Variants in FAM117A observed in about 807,000 individuals in gnomAD.
FAM117A encodes the protein family with sequence similarity 117 member A, also known as protein FAM117A.
FAM117A carries 21 observed loss-of-function variants against 44.1 expected under a neutral mutation model. The observed-to-expected ratio is 0.48, with a 90% CI of 0.34 to 0.69. The LOEUF (loss-of-function observed/expected upper bound fraction) is 0.69. Among genes scored for constraint, FAM117A ranks in the 30% least tolerant of loss-of-function variants. The pLI, the probability that FAM117A is intolerant of heterozygous loss-of-function variation, is 0.01. For missense variants in FAM117A, 498 were observed against 589.9 expected (o/e 0.84, Z 1.61); for synonymous variants, 220 against 238.3 (o/e 0.92, Z 0.71).
chr17:49,722,218 C>T (rs995134399), intron 3 of FAM117A, among the ~76,000 whole-genome samples: 2 of 152,236 alleles, frequency 1.3e-5, no homozygotes, highest in African/African-American at 4.8e-5. Context: ...TATCTGGATC[C>T]AATCCCAAAG....
intron 1 of FAM117A, among the ~76,000 whole-genome samples, chr17:49,778,795 G>A (rs1275394010): frequency 5.9e-5 from 9 of 152,140 alleles, no homozygotes; most frequent in Non-Finnish European, 1.2e-4. Context: ...TTACAGTCTG[G>A]GGTGTGTGTT....
At chr17:49,739,321 G>A (rs1249096863) in intron 1 of FAM117A, among the ~76,000 whole-genome samples, 1 of 152,160 alleles carries the variant, frequency 6.6e-6, no homozygotes, top group Non-Finnish European at 1.5e-5. Context: ...CTGGGCCCCT[G>A]GGAAGATGCC....
At chr17:49,759,537 G>C (rs143636084) in intron 1 of FAM117A, among the ~76,000 whole-genome samples, 70 of 152,252 alleles carry the variant, frequency 4.6e-4, no homozygotes, top group African/African-American at 1.5e-3. Flanking sequence ...TGCACCCCCA[G>C]GCCTCATTAT....
At chr17:49,780,571 T>C (rs555881045) in intron 1 of FAM117A, among the ~76,000 whole-genome samples, 4 of 152,270 alleles carry the variant, frequency 2.6e-5, no homozygotes, top group East Asian at 1.9e-4. Context: ...GGTTTTCCCA[T>C]GTTGGGCAGG....
intron 1 of FAM117A, among the ~76,000 whole-genome samples, chr17:49,754,153 T>G (rs1286785047): frequency 7.0e-6 from 1 of 143,302 alleles, no homozygotes; most frequent in Non-Finnish European, 1.5e-5. Flanking sequence ...ATGTCATATC[T>G]GATGGGCAGG....
intron 2 of FAM117A, among the ~76,000 whole-genome samples, chr17:49,727,506 G>A (rs187720153): frequency 6.6e-6 from 1 of 152,326 alleles, no homozygotes; most frequent in East Asian, 1.9e-4. Context: ...GGGACAAGTA[G>A]GGTAGCTTCT....
intron 2 of FAM117A, among the ~76,000 whole-genome samples, chr17:49,726,299 G>A (rs960190391): frequency 6.6e-6 from 1 of 152,010 alleles, no homozygotes; most frequent in East Asian, 1.9e-4. Context: ...TGAAACCTCC[G>A]CCTCACGGGT....
chr17:49,719,167 C>T (rs564304489), intron 5 of FAM117A, among the ~76,000 whole-genome samples: 3 of 145,378 alleles, frequency 2.1e-5, no homozygotes, highest in African/African-American at 7.7e-5. Flanking sequence ...GAGGCTGAGG[C>T]AGAGAACTGC....
rs556556923 is a variant in FAM117A, at chr17:49,774,647, C to T, written c.-621+13850G>A. On this transcript the variant is annotated intron_variant, in intron 1 of 7. Coordinates refer to the FAM117A transcript ENST00000513602. The stretch of plus-strand genomic sequence containing the variant: ...TGCTGGGATTACAGGCGTGAGCCAC[C>T]GTGCTCTGTCAACTCTGGTATTCCT... Among the ~76,000 whole-genome samples, 138 of 152,196 alleles carry T rather than the reference C, an allele frequency of 9.1e-4. 1 individual carries two copies. In the Middle Eastern group the frequency reaches 0.024, roughly 26 times the overall value.
intron 1 of FAM117A, among the ~76,000 whole-genome samples, chr17:49,745,033 A>G (rs1242021394): frequency 7.0e-6 from 1 of 142,612 alleles, no homozygotes; most frequent in Non-Finnish European, 1.6e-5. Context: ...AAAAAAAAAA[A>G]CACACACACA....
chr17:49,734,970 A>G (rs1228174479), intron 1 of FAM117A, among the ~76,000 whole-genome samples: 3 of 152,190 alleles, frequency 2.0e-5, no homozygotes, highest in Non-Finnish European at 4.4e-5. Flanking sequence ...ATTCATAGGG[A>G]CAAAAAAATA....
chr17:49,764,037 C>G lies in FAM117A; in HGVS notation c.51G>C (p.Gly17=), dbSNP rs2073734921. The G allele has an allele frequency of 8.3e-7, 1 of 1,209,334 alleles. No homozygotes were observed. Among genetic ancestry groups the G allele is most frequent in the Non-Finnish European group, 1.0e-6 (1 of 970,632 alleles). The allele number at this position is 1,209,334 out of a possible 1,614,324, so 74.9% of individuals were successfully genotyped here. Residue 17 remains glycine (G), a synonymous_variant, in exon 1 of 8, where the codon GGG becomes GGC. Transcript: ENST00000240364. The part of the protein sequence containing the change: ...GGRGGGAWGP[G]RGGAGGLRRG... ...GCCGGAGCCCCCCGGCCCCTCCGCG[C>G]CCCGGCCCCCAGGCACCTCCGCCTC... is the stretch of plus-strand genomic sequence containing the variant.
At chr17:49,777,132 C>A (rs1051732410) in intron 1 of FAM117A, among the ~76,000 whole-genome samples, 6 of 152,024 alleles carry the variant, frequency 3.9e-5, no homozygotes, top group Admixed American at 2.0e-4. Flanking sequence ...TGATGGGCAC[C>A]CCTGCCTGCC....
intron 1 of FAM117A, among the ~76,000 whole-genome samples, chr17:49,785,251 C>T (rs572872996): frequency 4.3e-4 from 65 of 152,304 alleles, no homozygotes; most frequent in Middle Eastern, 6.8e-3. Flanking sequence ...ATGGCTCATG[C>T]CTGTAATCCC....
chr17:49,766,464 A>T (rs12601082), upstream of FAM117A, among the ~76,000 whole-genome samples: 27,591 of 152,174 alleles, frequency 0.18, 2,908 homozygotes, highest in East Asian at 0.48. Context: ...GCCCAAGATC[A>T]TCTTAGTAAA....
intron 1 of FAM117A, among the ~76,000 whole-genome samples, chr17:49,750,573 G>A (rs924778713): frequency 4.0e-5 from 6 of 151,272 alleles, no homozygotes; most frequent in East Asian, 2.0e-4. Flanking sequence ...TCAGGAGTTC[G>A]AGACCAGCCT....
At chr17:49,788,451 C>T in intron 1 of FAM117A, 1 of 233,072 alleles carries the variant, frequency 4.3e-6, no homozygotes, top group Non-Finnish European at 8.4e-6. Flanking sequence ...CAGGCTTCTG[C>T]CCCAAACAAG....
At chr17:49,775,937 A>C (rs1004895918) in intron 1 of FAM117A, among the ~76,000 whole-genome samples, 1 of 152,146 alleles carries the variant, frequency 6.6e-6, no homozygotes, top group African/African-American at 2.4e-5. Context: ...CTGTACACCC[A>C]ATTCTGAATT....
chr17:49,788,959 G>T, upstream of FAM117A: 2 of 1,065,190 alleles, frequency 1.9e-6, no homozygotes, highest in South Asian at 1.8e-5. Context: ...CCGCTCCCCC[G>T]AACCTTGTTC....
Sources: gnomAD v4.1 joint callset for allele counts (sites outside exome capture counted in the v4.1 genomes callset) on GRCh38, gnomAD v4.1.1 for gene constraint, MANE v1.5 for transcripts, NCBI Gene and HGNC (gene_info 2026-07-23, HGNC 2026-07-21) for gene names.